The following DBF4 variants were observed in gnomAD, a reference collection of about 807,000 sequenced individuals.
DBF4 encodes DBF4-CDC7 kinase regulatory subunit, also known as protein DBF4 homolog A.
DBF4 carries 25 observed loss-of-function variants against 76.6 expected under a neutral mutation model. That is an observed-to-expected ratio of 0.33 (90% CI 0.24 to 0.46). The LOEUF (loss-of-function observed/expected upper bound fraction) is 0.46. Ranked by LOEUF, DBF4 falls within the 20% of genes least tolerant of loss-of-function variation. The pLI is 1.00. For missense variants in DBF4, 638 were observed against 760.8 expected (o/e 0.84, Z 1.90); for synonymous variants, 213 against 258.0 (o/e 0.83, Z 1.67).
chr7:87,894,450 G>A (rs566581945), intron 6 of DBF4, among the ~76,000 whole-genome samples: 5 of 151,850 alleles, frequency 3.3e-5, no homozygotes, highest in African/African-American at 9.7e-5. Context: ...ACCCTGTCTC[G>A]GGGAAAAAAA....
intron 4 of DBF4, 64 bp downstream of exon 4, chr7:87,886,958 C>T (rs1350123057): frequency 7.3e-6 from 8 of 1,095,732 alleles, no homozygotes; most frequent in Non-Finnish European, 4.0e-6. Context: ...CTGGAAATTA[C>T]AGATATTCTT....
chr7:87,887,895 C>A, intron 5 of DBF4, 88 bp from the exon 6 acceptor site: 2 of 1,250,498 alleles, frequency 1.6e-6, no homozygotes, highest in Non-Finnish European at 2.2e-6. Context: ...ATGGTAAATT[C>A]TTTATCTAAT....
intron 6 of DBF4, among the ~76,000 whole-genome samples, chr7:87,892,274 C>G (rs1003152654): frequency 6.6e-6 from 1 of 152,176 alleles, no homozygotes; most frequent in Non-Finnish European, 1.5e-5. Flanking sequence ...CCCCAGATAA[C>G]TCCTGATGCT....
chr7:87,898,725 A>AGCTT (rs1232273421), intron 8 of DBF4, among the ~76,000 whole-genome samples: 1 of 150,002 alleles, frequency 6.7e-6, no homozygotes, highest in African/African-American at 2.5e-5. Flanking sequence ...CGGGAGGCAG[A>AGCTT]GCTTGCAGTG....
At chr7:87,897,837 C>T (rs1390938754) in intron 8 of DBF4, among the ~76,000 whole-genome samples, 1 of 152,094 alleles carries the variant, frequency 6.6e-6, no homozygotes, top group Non-Finnish European at 1.5e-5. Context: ...TGCAGTGGCA[C>T]GATCTCGGCT....
intron 9 of DBF4, 134 bp from the exon 10 acceptor site, chr7:87,900,630 T>C (rs1839754037): frequency 1.3e-6 from 1 of 743,242 alleles, no homozygotes; most frequent in Non-Finnish European, 2.2e-6. Flanking sequence ...TATAAAGAAA[T>C]ATGATTAAAA....
In DBF4 at chr7:87,876,702, G is replaced by A. The variant is rs1839049534; in HGVS notation, c.-31G>A. 1 of 1,613,394 alleles carries A rather than the reference G, an allele frequency of 6.2e-7. No homozygotes were observed. Among genetic ancestry groups the A allele is most frequent in the South Asian group, 1.1e-5 (1 of 91,034 alleles). On this transcript the variant is annotated 5_prime_UTR_variant, in exon 1 of 12. Transcript: ENST00000265728. ...GGCTGCCCGGTGCGACACTTTCTCC[G>A]GACCCAGCATGTAGGTGCCGGGCGA...
chr7:87,896,351 T>G, intron 6 of DBF4, 123 bp from the exon 7 acceptor site: 2 of 719,694 alleles, frequency 2.8e-6, no homozygotes, highest in Non-Finnish European at 4.7e-6. Context: ...TAACAAAGAA[T>G]AATCCTTCTT....
intron 8 of DBF4, 47 bp from the exon 9 acceptor site, chr7:87,900,174 T>C: frequency 6.8e-7 from 1 of 1,465,898 alleles, no homozygotes; most frequent in Non-Finnish European, 9.3e-7. Context: ...AAACCTTTTT[T>C]CTTTAATCAT....
chr7:87,890,437 G>A (rs1221055050), intron 6 of DBF4, among the ~76,000 whole-genome samples: 5 of 152,132 alleles, frequency 3.3e-5, no homozygotes, highest in African/African-American at 1.2e-4. Flanking sequence ...AAGGCTGATA[G>A]AAGAGAATCA....
intron 3 of DBF4, among the ~76,000 whole-genome samples, chr7:87,886,142 T>A (rs1839343660): frequency 6.6e-6 from 1 of 151,908 alleles, no homozygotes; most frequent in African/African-American, 2.4e-5. Flanking sequence ...ATTCTCTGAG[T>A]TAATGCTTTT....
At chr7:87,897,035 T>G (rs1486970551) in intron 7 of DBF4, among the ~76,000 whole-genome samples, 1 of 152,216 alleles carries the variant, frequency 6.6e-6, no homozygotes. Context: ...GTAGTTTTTC[T>G]CCTGTTCTAA....
At chr7:87,894,476 G>T (rs73706950) in intron 6 of DBF4, among the ~76,000 whole-genome samples, 1 of 152,026 alleles carries the variant, frequency 6.6e-6, no homozygotes, top group Non-Finnish European at 1.5e-5. Context: ...AAAAAAGTTG[G>T]GTTTTAAAGA....
intron 6 of DBF4, among the ~76,000 whole-genome samples, chr7:87,892,580 A>G (rs546791901): frequency 7.2e-5 from 11 of 152,296 alleles, no homozygotes; most frequent in African/African-American, 2.2e-4. Context: ...CATATTGTCA[A>G]CTCATTTGGG....
chr7:87,878,274 A>G, intron 2 of DBF4, 49 bp downstream of exon 2: 7 of 1,411,128 alleles, frequency 5.0e-6, no homozygotes, highest in Non-Finnish European at 6.8e-6. Context: ...TGTAACTAGT[A>G]CTTTCTACTG....
At position 87,907,802 on chromosome 7, in the gene DBF4, C is replaced by G; in HGVS notation, c.1664C>G (p.Pro555Arg). ...GCAAAGGCTCCATTCCATACTCCTC[C>G]TGAGGAACCCAATGAATGTGACTTC... ...VQAKAPFHTP[P>R]EEPNECDFKN... The change falls in exon 12 of 12, where the codon CCT becomes CGT. Residue 555 changes from proline (P) to arginine (R), a missense_variant. By Grantham distance (103) the Pro-to-Arg change is moderately radical. Coordinates refer to ENST00000265728, the MANE Select transcript of DBF4 (RefSeq NM_006716.4). 4 of 1,613,154 alleles carry G rather than the reference C, an allele frequency of 2.5e-6. No homozygotes were observed. The highest frequency in any genetic ancestry group is 3.4e-6 in the Non-Finnish European group (4 of 1,179,250).
chr7:87,882,701 A>G (rs1839247057), intron 2 of DBF4, among the ~76,000 whole-genome samples: 1 of 152,226 alleles, frequency 6.6e-6, no homozygotes, highest in African/African-American at 2.4e-5. Flanking sequence ...CTAATGGCAG[A>G]TAAGTACATG....
chr7:87,895,207 C>T (rs1839603577), intron 6 of DBF4, among the ~76,000 whole-genome samples: 1 of 152,120 alleles, frequency 6.6e-6, no homozygotes, highest in African/African-American at 2.4e-5. Context: ...ATTTTTCAGT[C>T]CTATTATTTT....
chr7:87,897,450 T>C, intron 8 of DBF4, 111 bp downstream of exon 8: 1 of 955,534 alleles, frequency 1.0e-6, no homozygotes, highest in Non-Finnish European at 1.6e-6. Flanking sequence ...GTGTTTGATT[T>C]ATATTATACT....
Sources: gnomAD v4.1 joint callset for allele counts (sites outside exome capture counted in the v4.1 genomes callset) on GRCh38, gnomAD v4.1.1 for gene constraint, MANE v1.5 for transcripts, NCBI Gene and HGNC (gene_info 2026-07-23, HGNC 2026-07-21) for gene names.